The following NEXMIF variants were observed in gnomAD, a reference collection of about 807,000 sequenced individuals.
NEXMIF encodes neurite extension and migration factor, also known as XLMR protein related to neurite extension.
Under a neutral mutation model 62.1 loss-of-function variants are expected in NEXMIF, and 8 were observed. The ratio of observed to expected loss-of-function variants is 0.13; its 90% CI spans 0.08 to 0.23. The LOEUF (loss-of-function observed/expected upper bound fraction) is 0.23, where lower values mean the gene tolerates loss of function less well. Among genes scored for constraint, NEXMIF ranks in the 10% least tolerant of loss-of-function variants. The pLI, the probability that NEXMIF is intolerant of heterozygous loss-of-function variation, is 1.00. For missense variants in NEXMIF, 976 were observed against 1,113.3 expected (o/e 0.88, Z 1.75); for synonymous variants, 404 against 416.6 (o/e 0.97, Z 0.37).
At chrX:74,876,609 T>C (rs1173012259) in intron 1 of NEXMIF, among the ~76,000 whole-genome samples, 3 of 101,578 alleles carry the variant, frequency 3.0e-5, no homozygotes, top group East Asian at 3.1e-4. Flanking sequence ...TCTCCCATTA[T>C]TAATGTGTGG....
chrX:74,886,351 G>C (rs1254317412), intron 1 of NEXMIF, among the ~76,000 whole-genome samples: 1 of 111,784 alleles, frequency 8.9e-6, no homozygotes, highest in African/African-American at 3.3e-5. Context: ...AAAAGAGGAA[G>C]TCAAATTGTC....
At chrX:74,759,973 C>T (rs957580092) in intron 1 of NEXMIF, among the ~76,000 whole-genome samples, 1 of 111,817 alleles carries the variant, frequency 8.9e-6, no homozygotes, top group African/African-American at 3.3e-5. Context: ...CTATAAATTG[C>T]TTTGGGCAAT....
intron 1 of NEXMIF, among the ~76,000 whole-genome samples, chrX:74,804,338 T>A (rs1196997721): frequency 8.9e-6 from 1 of 111,992 alleles, no homozygotes; most frequent in Admixed American, 9.4e-5. Context: ...GTAAAAGAAG[T>A]CTCTTCCCAT....
At chrX:74,920,654 T>G (rs903200801) in intron 1 of NEXMIF, among the ~76,000 whole-genome samples, 5 of 111,911 alleles carry the variant, frequency 4.5e-5, no homozygotes, top group East Asian at 5.6e-4. Context: ...GTCAATTTTG[T>G]TTTTTGTTGC....
chrX:74,788,936 C>A (rs959815498), intron 1 of NEXMIF, among the ~76,000 whole-genome samples: 2 of 110,933 alleles, frequency 1.8e-5, no homozygotes. Flanking sequence ...GAGAAGAAGA[C>A]ATCCCATTGA....
rs766272480 is a variant in NEXMIF, at chrX:74,803,346, C to T, written c.-47-57649G>A. ...CGGGCAGATCATGAGGTTAGGAGAT[C>T]GAGACCATCCTGGCTAACACGGTGA... On this transcript the variant is annotated intron_variant, in intron 1 of 3. Coordinates refer to ENST00000055682, the MANE Select transcript of NEXMIF (RefSeq NM_001008537.3). Among the ~76,000 whole-genome samples, 377 of 111,268 alleles carry T rather than the reference C, an allele frequency of 3.4e-3. 2 individuals carry two copies. The highest frequency in any genetic ancestry group is 0.012 in the African/African-American group (359 of 30,620).
At chrX:74,853,228 T>G (rs1377129013) in intron 1 of NEXMIF, among the ~76,000 whole-genome samples, 2 of 109,961 alleles carry the variant, frequency 1.8e-5, no homozygotes, top group African/African-American at 6.6e-5. Context: ...GGTCTCTAGT[T>G]TGTGGCAAAA....
chrX:74,888,650 C>T (rs2080706470), intron 1 of NEXMIF, among the ~76,000 whole-genome samples: 1 of 110,824 alleles, frequency 9.0e-6, no homozygotes, highest in Non-Finnish European at 1.9e-5. Context: ...ATGTAACAAA[C>T]CTGCACCCTC....
intron 1 of NEXMIF, among the ~76,000 whole-genome samples, chrX:74,839,588 C>T (rs988547960): frequency 9.0e-6 from 1 of 111,392 alleles, no homozygotes; most frequent in African/African-American, 3.3e-5. Context: ...CAAGTAGACC[C>T]CAGTGTCTGT....
intron 1 of NEXMIF, among the ~76,000 whole-genome samples, chrX:74,776,061 A>T (rs1042858673): frequency 4.5e-5 from 5 of 111,728 alleles, no homozygotes; most frequent in African/African-American, 1.6e-4. Context: ...AAAAGGCATC[A>T]TGGCCTTTGT....
intron 1 of NEXMIF, among the ~76,000 whole-genome samples, chrX:74,848,451 C>T (rs2080501013): frequency 8.9e-6 from 1 of 112,169 alleles, no homozygotes; most frequent in African/African-American, 3.2e-5. Flanking sequence ...GTTAGAGAGG[C>T]CAGACTGTAA....
chrX:74,854,499 C>T (rs2080527435), intron 1 of NEXMIF, among the ~76,000 whole-genome samples: 2 of 111,775 alleles, frequency 1.8e-5, no homozygotes, highest in Admixed American at 9.5e-5. Context: ...GGAAGCCTTT[C>T]CTCTGAGAAC....
At chrX:74,856,181 T>C (rs182071795) in intron 1 of NEXMIF, among the ~76,000 whole-genome samples, 575 of 111,836 alleles carry the variant, frequency 5.1e-3, no homozygotes, top group African/African-American at 0.018. Flanking sequence ...TCTAAAGAAC[T>C]AAAGTAGGAA....
chrX:74,875,053 G>C (rs1448439413), intron 1 of NEXMIF, among the ~76,000 whole-genome samples: 2 of 111,297 alleles, frequency 1.8e-5, no homozygotes, highest in Admixed American at 9.6e-5. Context: ...GGTGAGAGAG[G>C]GCATCCCTGT....
chrX:74,867,910 T>A (rs1320661863), intron 1 of NEXMIF, among the ~76,000 whole-genome samples: 1 of 111,488 alleles, frequency 9.0e-6, no homozygotes, highest in African/African-American at 3.3e-5. Context: ...ATATCCAGAG[T>A]CTACAAGGAA....
At chrX:74,772,743 A>G (rs1424469458) in intron 1 of NEXMIF, among the ~76,000 whole-genome samples, 1 of 112,398 alleles carries the variant, frequency 8.9e-6, no homozygotes, top group Non-Finnish European at 1.9e-5. Flanking sequence ...ACCTTCTGAA[A>G]AAATATATTA....
At chrX:74,853,926 T>C (rs955262884) in intron 1 of NEXMIF, among the ~76,000 whole-genome samples, 1 of 111,526 alleles carries the variant, frequency 9.0e-6, no homozygotes, top group Admixed American at 9.5e-5. Flanking sequence ...AATAATGAGA[T>C]TTAATCACTA....
intron 1 of NEXMIF, among the ~76,000 whole-genome samples, chrX:74,780,467 TG>T (rs1291865830): frequency 9.2e-6 from 1 of 108,974 alleles, no homozygotes. Context: ...CTTTACCTCC[TG>T]GGCTCAAGCA....
intron 1 of NEXMIF, among the ~76,000 whole-genome samples, chrX:74,796,165 TATATATTATATATATAC>T (rs1406117068): frequency 6.7e-5 from 5 of 74,292 alleles, no homozygotes; most frequent in East Asian, 7.8e-4. Flanking sequence ...ATATATATTA[TATATATTATATATATAC>T]ATATATATTA....
Sources: allele counts gnomAD v4.1 joint callset (sites outside exome capture counted in the v4.1 genomes callset), GRCh38; gene constraint gnomAD v4.1.1; transcripts MANE v1.5; gene names NCBI Gene and HGNC (gene_info 2026-07-23, HGNC 2026-07-21).